KCNH6: variants seen among roughly 807,000 people sequenced by gnomAD.
KCNH6 encodes potassium voltage-gated channel subfamily H member 6.
Under a neutral mutation model 83.4 loss-of-function variants are expected in KCNH6, and 81 were observed. The ratio of observed to expected loss-of-function variants is 0.97; its 90% confidence interval spans 0.81 to 1.17. The LOEUF (loss-of-function observed/expected upper bound fraction) is 1.17. Ranked by LOEUF, KCNH6 falls within the 50% of genes most tolerant of loss-of-function variation. KCNH6 has a pLI of 0.00. For missense variants in KCNH6, 1,203 were observed against 1,290.5 expected, an observed-to-expected ratio of 0.93 and a Z score of 1.04; for synonymous variants, 503 against 545.6, an observed-to-expected ratio of 0.92 and a Z score of 1.09.
intron 9 of KCNH6, among the ~76,000 whole-genome samples, chr17:63,543,218 G>C (rs1169179322): frequency 6.6e-6 from 1 of 152,104 alleles, no homozygotes; most frequent in Non-Finnish European, 1.5e-5. Context: ...CCTGAGCATA[G>C]AGCTGGGTGG....
At chr17:63,548,120 GC>G, downstream of KCNH6, among the ~76,000 whole-genome samples, 1 of 152,074 alleles carries the variant, frequency 6.6e-6, no homozygotes, top group East Asian at 1.9e-4. Flanking sequence ...AAAAAAAATA[GC>G]CAGGCGTGGT....
In KCNH6 at chr17:63,523,969, GCCCTAGT is replaced by G. The variant is rs1357682004; in HGVS notation, c.77-168_77-162del. ...TTCCTTCCACCTCAAGACCCTCACT[GCCCTAGT>G]CTTCCCACAATCCCCAGGCCTGACT... On this transcript the variant is annotated intron_variant, in intron 1 of 12. Transcript: ENST00000314672. This position sits in a 1 kb window ranked among gnomAD's most constrained non-coding sequence, Gnocchi z 4.2. Among the ~76,000 whole-genome samples, 2 of 151,446 alleles carry G rather than the reference GCCCTAGT, an allele frequency of 1.3e-5. No individual in the cohort carries two copies. The highest frequency in any genetic ancestry group is 4.9e-5 in the African/African-American group (2 of 41,174).
intron 2 of KCNH6, 54 bp downstream of exon 2, chr17:63,524,423 G>T: frequency 1.1e-5 from 17 of 1,518,312 alleles, no homozygotes; most frequent in Non-Finnish European, 1.5e-5. Context: ...CCTCTGTCTT[G>T]TCCAGCCAGG....
rs746221921 is a variant in KCNH6, at chr17:63,535,834, G to A, written c.1267G>A (p.Gly423Ser). 32 of 1,614,200 alleles carry A rather than the reference G, an allele frequency of 2.0e-5. No homozygotes were observed. Among genetic ancestry groups the A allele is most frequent in the South Asian group, 4.4e-5 (4 of 91,082 alleles). The part of the protein sequence containing the change: ...HWLACIWYAI[G>S]NVERPYLEHK... ...GCTGGCCTGCATCTGGTACGCCATC[G>A]GCAATGTGGAGCGGCCCTACCTAGA... The change falls in exon 6 of 13, where the codon GGC becomes AGC. Residue 423 changes from glycine (G) to serine (S), a missense_variant. By Grantham distance (56) the Gly-to-Ser change is moderately conservative (BLOSUM62 0). Transcript: ENST00000314672. The surrounding 1 kb of genome is among the most constrained non-coding windows in gnomAD (Gnocchi z 4.9).
Position 63,523,480 on chromosome 17 carries a change from G to C in KCNH6, c.67G>C (p.Glu23Gln), listed in dbSNP as rs145049476. The C allele has an allele frequency of 6.2e-7, 1 of 1,605,802 alleles. No homozygotes were observed. The highest frequency in any genetic ancestry group is 2.3e-5 in the East Asian group (1 of 43,480). ...CCTGGACACCATCATCCGCAAGTTCGAGGGCCAAAGTGAGTGTGTGTATGT... is the reference window on the plus strand; with the variant it reads ...CCTGGACACCATCATCCGCAAGTTCCAGGGCCAAAGTGAGTGTGTGTATGT... Reference protein sequence around the residue: ...TYLDTIIRKFEGQSRKFLIAN... With the variant: ...TYLDTIIRKFQGQSRKFLIAN... The change falls in exon 1 of 13, where the codon GAG (glutamate) becomes CAG (glutamine). Residue 23 changes from glutamate (E) to glutamine (Q), a missense_variant. Transcript: ENST00000314672. The surrounding 1 kb of genome is among the most constrained non-coding windows in gnomAD (Gnocchi z 4.2).
downstream of KCNH6, among the ~76,000 whole-genome samples, chr17:63,547,182 T>G (rs1010373652): frequency 4.6e-5 from 7 of 152,120 alleles, no homozygotes; most frequent in Admixed American, 4.6e-4. Flanking sequence ...GGTGTTCAGG[T>G]TGCGAAAGAG....
chr17:63,536,696 C>T (rs2032519731), intron 6 of KCNH6, among the ~76,000 whole-genome samples: 1 of 151,368 alleles, frequency 6.6e-6, no homozygotes, highest in African/African-American at 2.4e-5. Context: ...GTGGCTCACT[C>T]CTGTAATCCC....
intron 1 of KCNH6, 48 bp from the exon 2 acceptor site, chr17:63,524,091 C>T: frequency 1.5e-6 from 2 of 1,352,872 alleles, no homozygotes; most frequent in Non-Finnish European, 2.1e-6. Context: ...CTCCCAGCCG[C>T]TGGATCCTGG....
In KCNH6 at chr17:63,542,404, TA is replaced by T. The variant is rs765045722; in HGVS notation, c.2120del (p.Lys707SerfsTer44). ...CGGCCTTTGCGGAGAGCTTCTGGAG[TA>T]AGCTGGAGGTCACCTTCAACCTGCG... is the stretch of plus-strand genomic sequence containing the variant. ...YPAFAESFWS[K>X]LEVTFNLRDA... On this transcript the variant is annotated frameshift_variant, in exon 9 of 13. Coordinates refer to ENST00000314672, the MANE Select transcript of KCNH6 (RefSeq NM_001278919.2). LOFTEE classifies it high-confidence loss of function. 3.1e-6 allele frequency: 5 copies of T among 1,613,770 alleles called. No homozygotes were observed. In the Admixed American group the frequency reaches 8.3e-5, roughly 27 times the overall value.
chr17:63,538,614 C>A lies in KCNH6; in HGVS notation c.1906C>A (p.Arg636=). Residue 636 remains arginine, a synonymous_variant, in exon 8 of 13, where the codon CGA becomes AGA. Transcript: ENST00000314672. This position sits in a 1 kb window ranked among gnomAD's most constrained non-coding sequence, Gnocchi z 4.0. ...GCTCTCCACCCTCTACTTCATCTCC[C>A]GAGGCTCCATCGAGATCCTGCGCGA... is the stretch of plus-strand genomic sequence containing the variant. The part of the protein sequence containing the change: ...DVLSTLYFIS[R]GSIEILRDDV... The A allele has an allele frequency of 6.2e-7, 1 of 1,609,606 alleles. No individual in the cohort carries two copies. Among genetic ancestry groups the A allele is most frequent in the Non-Finnish European group, 8.5e-7 (1 of 1,177,262 alleles).
Position 63,538,400 on chromosome 17 carries a change from C to A in KCNH6, c.1702-10C>A. Reference sequence around the variant, plus strand: ...CCGCGTCCCGCTGGACTTGGCCGCCCGCCTTGCAGGTGCTGAAGGGCTTCC... The same window carrying A: ...CCGCGTCCCGCTGGACTTGGCCGCCAGCCTTGCAGGTGCTGAAGGGCTTCC... On this transcript the variant is annotated splice_polypyrimidine_tract_variant and intron_variant, in intron 7 of 12. Transcript: ENST00000314672. This position sits in a 1 kb window ranked among gnomAD's most constrained non-coding sequence, Gnocchi z 4.0. 6.3e-7 allele frequency: 1 copy of A among 1,591,212 alleles called. No individual in the cohort carries two copies. Among genetic ancestry groups the A allele is most frequent in the Non-Finnish European group, 8.5e-7 (1 of 1,170,078 alleles).
In KCNH6 at chr17:63,523,359, G is replaced by T; in HGVS notation, c.-55G>T. On this transcript the variant is annotated 5_prime_UTR_variant, in exon 1 of 13. Transcript: ENST00000314672. This position sits in a 1 kb window ranked among gnomAD's most constrained non-coding sequence, Gnocchi z 4.2. ...ACGCTGCTGAGCCCGAGGACAGACGGAGACGCCGGGAGCCAGTGGCGCCTG... is the reference window on the plus strand; with the variant it reads ...ACGCTGCTGAGCCCGAGGACAGACGTAGACGCCGGGAGCCAGTGGCGCCTG... 1 of 1,495,050 alleles carries T rather than the reference G, an allele frequency of 6.7e-7. No homozygotes were observed. The highest frequency in any genetic ancestry group is 9.0e-7 in the Non-Finnish European group (1 of 1,112,584). 92.6% of individuals were successfully genotyped at this position (1,495,050 alleles called of 1,614,324 possible).
In KCNH6 at chr17:63,534,308, T is replaced by C. The variant is rs2032338168; in HGVS notation, c.1098T>C (p.Asp366=). Residue 366 remains aspartate (D), a synonymous_variant, in exon 5 of 13, where the codon GAT becomes GAC. Coordinates refer to ENST00000314672, the MANE Select transcript of KCNH6 (RefSeq NM_001278919.2). The surrounding 1 kb of genome is among the most constrained non-coding windows in gnomAD (Gnocchi z 5.0). ...TCCTGATCTTCCGCACTGGCTCCGA[T>C]GAGGTGAGCAGACCCCCTCCAGGCC... ...FDLLIFRTGS[D]ETTTLIGLLK... 6.2e-7 allele frequency: 1 copy of C among 1,609,374 alleles called. No individual in the cohort carries two copies. The highest frequency in any genetic ancestry group is 1.3e-5 in the African/African-American group (1 of 74,874).
intron 10 of KCNH6, 88 bp from the exon 11 acceptor site, chr17:63,544,161 G>A: frequency 1.9e-6 from 3 of 1,600,786 alleles, no homozygotes; most frequent in Non-Finnish European, 2.6e-6. Flanking sequence ...CCCAGGGCAG[G>A]TAGGGGGTGG....
downstream of KCNH6, among the ~76,000 whole-genome samples, chr17:63,547,914 T>C (rs1185414345): frequency 1.3e-5 from 2 of 149,100 alleles, no homozygotes; most frequent in African/African-American, 2.5e-5. Flanking sequence ...CAGTAAGCCA[T>C]GTTCATGCAA....
rs1436592739 is a variant in KCNH6 at position 63,538,975 on chromosome 17, C to T, written c.1954+313C>T. ...AGGCAGGTCTTCCTACCTTCTTGCA[C>T]TCTTGGGGAGTTTAGGGAGAAAGGC... On this transcript the variant is annotated intron_variant, in intron 8 of 12. Coordinates refer to ENST00000314672, the MANE Select transcript of KCNH6 (RefSeq NM_001278919.2). The surrounding 1 kb of genome is among the most constrained non-coding windows in gnomAD (Gnocchi z 4.0). 6.6e-6 allele frequency among the ~76,000 whole-genome samples: 1 copy of T among 152,122 alleles called. No individual in the cohort carries two copies. Among genetic ancestry groups the T allele is most frequent in the Non-Finnish European group, 1.5e-5 (1 of 68,016 alleles).
chr17:63,543,528 C>T (rs376867344), intron 9 of KCNH6, 48 bp from the exon 10 acceptor site: 12 of 1,170,904 alleles, frequency 1.0e-5, no homozygotes, highest in Non-Finnish European at 1.4e-5. Flanking sequence ...CAAAGAGGCC[C>T]CATCCCAGCT....
chr17:63,538,445 C>T lies in KCNH6; in HGVS notation c.1737C>T (p.Asp579=). 1 of 1,603,450 alleles carries T rather than the reference C, an allele frequency of 6.2e-7. No individual in the cohort carries two copies. The highest frequency in any genetic ancestry group is 8.5e-7 in the Non-Finnish European group (1 of 1,175,632). ...GCTTCCCCGAGTGCCTGCAGGCTGACATCTGCCTGCACCTGCACCGCGCAC... is the reference window on the plus strand; with the variant it reads ...GCTTCCCCGAGTGCCTGCAGGCTGATATCTGCCTGCACCTGCACCGCGCAC... The part of the protein sequence containing the change: ...LKGFPECLQA[D]ICLHLHRALL... Residue 579 remains aspartate (D), a synonymous_variant, in exon 8 of 13, where the codon GAC becomes GAT. Coordinates refer to ENST00000314672, the MANE Select transcript of KCNH6 (RefSeq NM_001278919.2). This position sits in a 1 kb window ranked among gnomAD's most constrained non-coding sequence, Gnocchi z 4.0.
chr17:63,528,772 C>G (rs558058636), intron 2 of KCNH6, among the ~76,000 whole-genome samples: 1 of 152,202 alleles, frequency 6.6e-6, no homozygotes, highest in African/African-American at 2.4e-5. Flanking sequence ...GGACATAGGA[C>G]TCCCATGGAG....
Sources: allele counts gnomAD v4.1 joint callset (sites outside exome capture counted in the v4.1 genomes callset), GRCh38; gene constraint gnomAD v4.1.1; non-coding constraint Gnocchi (gnomAD v3.1); transcripts MANE v1.5; gene names NCBI Gene and HGNC (gene_info 2026-07-23, HGNC 2026-07-21).